MYLK4: variants seen among roughly 807,000 people sequenced by gnomAD.
The protein encoded by MYLK4 is myosin light chain kinase family member 4.
A neutral mutation model predicts 48.1 loss-of-function variants in MYLK4; 46 were observed. That is an observed-to-expected ratio of 0.96 (90% CI 0.75 to 1.22). The LOEUF (loss-of-function observed/expected upper bound fraction) is 1.22. MYLK4 is among the 50% of genes most tolerant of loss of function. The probability of loss-of-function intolerance (pLI) is 0.00; values close to 1 mark genes in which losing one functional copy is unlikely to be tolerated. For synonymous variants in MYLK4, 170 were observed against 180.8 expected (o/e 0.94, Z 0.48); for missense variants, 451 against 486.1 (o/e 0.93, Z 0.68).
the MYLK4 span, chr6:2,766,135 C>G: frequency 5.2e-5 from 64 of 1,239,884 alleles, no homozygotes; most frequent in Non-Finnish European, 6.4e-5. Flanking sequence ...CCGTGGGCGA[C>G]GGCGATGGCG....
chr6:2,723,258 A>G (rs1039140457), intron 2 of MYLK4, among the ~76,000 whole-genome samples: 4 of 152,170 alleles, frequency 2.6e-5, no homozygotes, highest in African/African-American at 9.7e-5. Context: ...ACGTCACCGC[A>G]CTCCAGCCTG....
chr6:2,769,677 A>G, the MYLK4 span, among the ~76,000 whole-genome samples: 3 of 152,218 alleles, frequency 2.0e-5, no homozygotes, highest in Non-Finnish European at 4.4e-5. Flanking sequence ...ATAAAACAGC[A>G]TAATAGGAAT....
chr6:2,764,775 G>A, the MYLK4 span, among the ~76,000 whole-genome samples: 140 of 152,282 alleles, frequency 9.2e-4, no homozygotes, highest in Middle Eastern at 3.4e-3. Context: ...GCGCGCTGTA[G>A]GTGAACCGCC....
At chr6:2,765,991 C>T in the MYLK4 span, 4 of 1,384,644 alleles carry the variant, frequency 2.9e-6, no homozygotes, top group East Asian at 3.1e-5. Context: ...CCCGCCTTAT[C>T]CCCGACTTCC....
intron 2 of MYLK4, 37 bp from the exon 3 acceptor site, chr6:2,692,896 C>G: frequency 6.3e-7 from 1 of 1,585,980 alleles, no homozygotes; most frequent in Non-Finnish European, 8.6e-7. Context: ...AGTTACATAT[C>G]ACATCTGGGC....
At chr6:2,714,693 T>C (rs1159652350) in intron 2 of MYLK4, among the ~76,000 whole-genome samples, 2 of 152,204 alleles carry the variant, frequency 1.3e-5, no homozygotes, top group Admixed American at 1.3e-4. Flanking sequence ...AATAGCCAAA[T>C]GGTGGAAACA....
At chr6:2,758,981 A>G in the MYLK4 span, among the ~76,000 whole-genome samples, 1 of 152,204 alleles carries the variant, frequency 6.6e-6, no homozygotes, top group Non-Finnish European at 1.5e-5. Context: ...TTACACTCCC[A>G]CCAGCACTAT....
the MYLK4 span, among the ~76,000 whole-genome samples, chr6:2,756,094 C>T: frequency 6.6e-6 from 1 of 152,200 alleles, no homozygotes; most frequent in Non-Finnish European, 1.5e-5. Flanking sequence ...CATCACCCAA[C>T]GTTTCTCAGT....
At chr6:2,670,569 T>C (rs555087930) in intron 12 of MYLK4, among the ~76,000 whole-genome samples, 1 of 152,200 alleles carries the variant, frequency 6.6e-6, no homozygotes, top group Non-Finnish European at 1.5e-5. Flanking sequence ...CATAAGTACA[T>C]GTGCCTCTTA....
At chr6:2,698,733 G>A (rs1409959125) in intron 2 of MYLK4, among the ~76,000 whole-genome samples, 1 of 152,224 alleles carries the variant, frequency 6.6e-6, no homozygotes, top group East Asian at 1.9e-4. Flanking sequence ...TTTCTTGCCT[G>A]AGCATAGAAG....
chr6:2,678,508 T>C (rs1174747098), intron 9 of MYLK4, 136 bp from the exon 10 acceptor site: 2 of 984,874 alleles, frequency 2.0e-6, no homozygotes, highest in East Asian at 2.7e-5. Context: ...TTTTATAACA[T>C]ATTATTGTAA....
At chr6:2,705,985 C>A (rs568741611) in intron 2 of MYLK4, among the ~76,000 whole-genome samples, 2 of 151,278 alleles carry the variant, frequency 1.3e-5, no homozygotes, top group African/African-American at 4.8e-5. Context: ...AGATTCTACC[C>A]AATTTCACCT....
intron 2 of MYLK4, among the ~76,000 whole-genome samples, chr6:2,706,048 C>A (rs1762474708): frequency 6.6e-6 from 1 of 152,086 alleles, no homozygotes. Flanking sequence ...AAGGGATGAC[C>A]GTCGATAACA....
At chr6:2,680,395 C>G (rs1415277596) in intron 7 of MYLK4, 104 bp from the exon 8 acceptor site, 1 of 1,581,514 alleles carries the variant, frequency 6.3e-7, no homozygotes, top group Non-Finnish European at 8.6e-7. Flanking sequence ...AAAAACATAT[C>G]AGGCCTTTCA....
chr6:2,694,508 G>GGTA (rs1761953591), intron 2 of MYLK4, among the ~76,000 whole-genome samples: 1 of 26,290 alleles, frequency 3.8e-5, no homozygotes, highest in Non-Finnish European at 7.6e-5. Context: ...TGGTGGTGGT[G>GGTA]GTGGCGGTGG....
At chr6:2,753,502 G>A (rs532341174), upstream of MYLK4, among the ~76,000 whole-genome samples, 3 of 152,178 alleles carry the variant, frequency 2.0e-5, no homozygotes, top group Admixed American at 2.0e-4. Flanking sequence ...CCATAAAAAC[G>A]AAGATTGATA....
chr6:2,769,930 T>A, the MYLK4 span, among the ~76,000 whole-genome samples: 1 of 152,222 alleles, frequency 6.6e-6, no homozygotes, highest in Admixed American at 6.5e-5. Context: ...AAGATGTGTT[T>A]CAGACTTAAA....
intron 2 of MYLK4, among the ~76,000 whole-genome samples, chr6:2,734,087 T>G (rs534166140): frequency 8.5e-5 from 13 of 152,058 alleles, no homozygotes; most frequent in Non-Finnish European, 1.3e-4. Context: ...CCAAAAAACA[T>G]GCTAAAACCA....
chr6:2,690,251 C>T (rs1761725281), intron 3 of MYLK4, among the ~76,000 whole-genome samples: 1 of 152,186 alleles, frequency 6.6e-6, no homozygotes, highest in African/African-American at 2.4e-5. Flanking sequence ...TCTTCTGACA[C>T]GTGTGTTCTT....
Sources: gnomAD v4.1 joint callset for allele counts (sites outside exome capture counted in the v4.1 genomes callset) on GRCh38, gnomAD v4.1.1 for gene constraint, MANE v1.5 for transcripts, NCBI Gene and HGNC (gene_info 2026-07-23, HGNC 2026-07-21) for gene names.